The following NOC2L variants were observed in gnomAD, a reference collection of about 807,000 sequenced individuals.
NOC2L encodes the protein nucleolar complex protein 2 homolog.
In NOC2L, 101 loss-of-function variants were observed where a neutral mutation model predicts 94.2. The ratio of observed to expected loss-of-function variants is 1.07; its 90% confidence interval spans 0.91 to 1.26. The LOEUF (loss-of-function observed/expected upper bound fraction) is 1.26, where lower values mean the gene tolerates loss of function less well. Among genes scored for constraint, NOC2L ranks in the 50% most tolerant of loss-of-function variants. The pLI, the probability that NOC2L is intolerant of heterozygous loss-of-function variation, is 0.00. For synonymous variants in NOC2L, 531 were observed against 413.4 expected (o/e 1.28, Z -3.45); for missense variants, 1,076 against 980.1 (o/e 1.10, Z -1.31).
At chr1:958,707 T>A (rs751037777) in intron 2 of NOC2L, 1 of 699,610 alleles carries the variant, frequency 1.4e-6, no homozygotes, top group Non-Finnish European at 2.6e-6. Flanking sequence ...GGAAGAGATT[T>A]TTGCACAACT....
chr1:950,517 G>A (rs2100385391), intron 12 of NOC2L, among the ~76,000 whole-genome samples: 1 of 151,968 alleles, frequency 6.6e-6, no homozygotes, highest in South Asian at 2.1e-4. Flanking sequence ...ATGCACAGGT[G>A]CACACACGCA....
At chr1:951,733 A>G (rs1358128112) in intron 11 of NOC2L, among the ~76,000 whole-genome samples, 1 of 152,226 alleles carries the variant, frequency 6.6e-6, no homozygotes, top group Non-Finnish European at 1.5e-5. Flanking sequence ...AACTGCACAC[A>G]AGCCCCCAGA....
chr1:954,307 T>G (rs987307383), intron 6 of NOC2L: 2 of 526,680 alleles, frequency 3.8e-6, no homozygotes, highest in Non-Finnish European at 6.7e-6. Context: ...CTTGAACTCC[T>G]GTCTGCCCTG....
At position 944,251 on chromosome 1, in the gene NOC2L, A is replaced by T. The variant is rs1642013003; in HGVS notation, c.*443T>A. The T allele has an allele frequency of 6.9e-7, 1 of 1,457,158 alleles. No individual in the cohort carries two copies. Among genetic ancestry groups the T allele is most frequent in the African/African-American group, 1.4e-5 (1 of 69,940 alleles). The allele number at this position is 1,457,158 out of a possible 1,614,324, so 90.3% of individuals were successfully genotyped here. A position where few individuals can be genotyped will look rare whatever the true frequency, so the allele number is the denominator to read the frequency against. ...ACCGCTTTATTTCTTTCGGTTTCGG[A>T]TGCAAAACAAAAAATTTTAAAAGAA... On this transcript the variant is annotated 3_prime_UTR_variant, in exon 19 of 19. Transcript: ENST00000327044.
chr1:952,936 C>T (rs1642299238), intron 9 of NOC2L, among the ~76,000 whole-genome samples: 1 of 152,168 alleles, frequency 6.6e-6, no homozygotes. Context: ...GAGGCCCTCC[C>T]CTGGGGAAGC....
intron 2 of NOC2L, chr1:957,622 A>G (rs144800905): frequency 1.3e-3 from 354 of 277,922 alleles, no homozygotes; most frequent in African/African-American, 7.0e-3. Context: ...ACTAAAGGCA[A>G]ATCTCTGTCT....
intron 12 of NOC2L, 135 bp downstream of exon 12, chr1:950,992 C>T: frequency 1.4e-6 from 1 of 711,086 alleles, no homozygotes; most frequent in Non-Finnish European, 2.5e-6. Context: ...GAGCACTGTC[C>T]TCGTGACACC....
intron 4 of NOC2L, among the ~76,000 whole-genome samples, chr1:956,506 G>A (rs564528774): frequency 1.1e-3 from 164 of 152,148 alleles, no homozygotes; most frequent in African/African-American, 3.9e-3. Context: ...CCTTGTCCCT[G>A]GAAAAAAACA....
intron 15 of NOC2L, 53 bp from the exon 16 acceptor site, chr1:946,339 A>G: frequency 1.2e-5 from 19 of 1,611,238 alleles, no homozygotes; most frequent in Non-Finnish European, 1.6e-5. Context: ...AAACCCCCAC[A>G]TGTAGCTGGG....
At position 946,573 on chromosome 1, in the gene NOC2L, AGCCCAGGACCGCTCCATGTGCACAGCTG is replaced by A. The variant is rs1210102689; in HGVS notation, c.1660-56_1660-29del. On this transcript the variant is annotated intron_variant, in intron 14 of 18. Coordinates refer to ENST00000327044, the MANE Select transcript of NOC2L (RefSeq NM_015658.4). Reference sequence around the variant, plus strand: ...GCGGAAGGGAGGGGTCAGCCACTGAAGCCCAGGACCGCTCCATGTGCACAGCTGGCCCAGGTCCTGTGCAAAACCACGC... The same window carrying A: ...GCGGAAGGGAGGGGTCAGCCACTGAAGCCCAGGTCCTGTGCAAAACCACGC... 4.4e-6 allele frequency: 7 copies of A among 1,605,778 alleles called. No homozygotes were observed. In the African/African-American group the frequency reaches 5.3e-5, roughly 12 times the overall value.
At chr1:956,262 C>T in intron 4 of NOC2L, 47 bp from the exon 5 acceptor site, 1 of 1,604,886 alleles carries the variant, frequency 6.2e-7, no homozygotes, top group Admixed American at 1.7e-5. Flanking sequence ...TGAGACTGCA[C>T]TTGGCAGAGT....
At chr1:956,704 A>G (rs1642413010) in intron 4 of NOC2L, among the ~76,000 whole-genome samples, 190 bp downstream of exon 4, 1 of 152,204 alleles carries the variant, frequency 6.6e-6, no homozygotes, top group Non-Finnish European at 1.5e-5. Flanking sequence ...TGCGCTGAAG[A>G]AGGCTCCAAG....
At chr1:949,731 G>A (rs1642202142) in intron 12 of NOC2L, among the ~76,000 whole-genome samples, 2 of 152,174 alleles carry the variant, frequency 1.3e-5, no homozygotes. Flanking sequence ...CACAGACACA[G>A]GGGCCAGGCC....
chr1:948,537 C>T lies in NOC2L; in HGVS notation c.1510G>A (p.Val504Met), dbSNP rs762123766. ...RMSSKPINFS[V>M]ILKLSNVNLQ... ...TTGACATTGGACAGCTTCAGGATCA[C>T]GGAGAAGTTGATGGGCTTGGAGCTC... The change falls in exon 13 of 19, where the codon GTG becomes ATG. Residue 504 changes from valine (V) to methionine (M), a missense_variant. Transcript: ENST00000327044. 3.3e-5 allele frequency: 54 copies of T among 1,613,562 alleles called. No homozygotes were observed. The highest frequency in any genetic ancestry group is 9.3e-5 in the African/African-American group (7 of 74,924).
intron 16 of NOC2L, 44 bp from the exon 17 acceptor site, chr1:945,697 G>T (rs760712070): frequency 1.9e-6 from 3 of 1,613,638 alleles, no homozygotes; most frequent in Non-Finnish European, 2.5e-6. Context: ...AGAGGGCAGG[G>T]GCTGGCGGCC....
intron 6 of NOC2L, 167 bp from the exon 7 acceptor site, chr1:954,249 G>C: frequency 1.6e-6 from 1 of 614,984 alleles, no homozygotes; most frequent in East Asian, 2.8e-5. Context: ...GACAGACACA[G>C]GGGCTTAGGA....
intron 17 of NOC2L, 86 bp downstream of exon 17, chr1:945,432 G>A: frequency 1.3e-6 from 2 of 1,487,704 alleles, no homozygotes; most frequent in Non-Finnish European, 1.8e-6. Context: ...CCTGCAGGAT[G>A]GGTACAGGTG....
Position 945,555 on chromosome 1 carries a change from G to A in NOC2L, c.2016C>T (p.Ser672=), listed in dbSNP as rs1642082094. The change falls in exon 17 of 19, where the codon AGC becomes AGT. Residue 672 remains serine (S), a synonymous_variant. Coordinates refer to ENST00000327044, the MANE Select transcript of NOC2L (RefSeq NM_015658.4). ...ATCCCTCGGTGTCGTCCTCTTCAGA[G>A]CTGTTCAGGTCAAAGAGGTCTTTAA... ...KQFKDLFDLN[S]SEEDDTEGFS... The A allele has an allele frequency of 3.7e-6, 6 of 1,614,010 alleles. No homozygotes were observed. Among genetic ancestry groups the A allele is most frequent in the Non-Finnish European group, 5.1e-6 (6 of 1,179,904 alleles).
In NOC2L at chr1:952,052, CT is replaced by C. The variant is rs759646599; in HGVS notation, c.1278del (p.Ala427ProfsTer36). On this transcript the variant is annotated frameshift_variant, in exon 11 of 19. Transcript: ENST00000327044. LOFTEE classifies it high-confidence loss of function. Reference protein sequence around the residue: ...CRVLSTAGPSEALQPLVYPLA... With the variant: ...CRVLSTAGPSXALQPLVYPLA... Reference sequence around the variant, plus strand: ...AGGGGGTAGACCAAGGGCTGGAGGGCTTCGCTGGGGCCCGCAGTGCTCAGGA... The same window carrying C: ...AGGGGGTAGACCAAGGGCTGGAGGGCTCGCTGGGGCCCGCAGTGCTCAGGA... 8.1e-6 allele frequency: 13 copies of C among 1,613,656 alleles called. No homozygotes were observed. The highest frequency in any genetic ancestry group is 1.0e-5 in the Non-Finnish European group (12 of 1,179,926).
Sources: allele counts gnomAD v4.1 joint callset (sites outside exome capture counted in the v4.1 genomes callset), GRCh38; gene constraint gnomAD v4.1.1; transcripts MANE v1.5; gene names NCBI Gene and HGNC (gene_info 2026-07-23, HGNC 2026-07-21).